Variants in MOK observed in about 807,000 individuals in gnomAD.
MOK encodes the protein MAPK/MAK/MRK overlapping kinase.
MOK carries 59 observed loss-of-function variants against 54.2 expected under a neutral mutation model. That is an observed-to-expected ratio of 1.09 (90% CI 0.88 to 1.35). MOK has a LOEUF of 1.35. Among genes scored for constraint, MOK ranks in the 40% most tolerant of loss-of-function variants. The pLI, the probability that MOK is intolerant of heterozygous loss-of-function variation, is 0.00. For synonymous variants in MOK, 210 were observed against 202.7 expected, an observed-to-expected ratio of 1.04 and a Z score of -0.31; for missense variants, 517 against 526.2, an observed-to-expected ratio of 0.98 and a Z score of 0.17.
chr14:102,299,246 G>T (rs1394736153), intron 1 of MOK, among the ~76,000 whole-genome samples: 1 of 152,200 alleles, frequency 6.6e-6, no homozygotes, highest in Non-Finnish European at 1.5e-5. Context: ...GGACGCAGTG[G>T]CTCACGCCTG....
At chr14:102,219,434 A>G in the MOK span, among the ~76,000 whole-genome samples, 2 of 152,194 alleles carry the variant, frequency 1.3e-5, no homozygotes, top group African/African-American at 4.8e-5. Context: ...CATGCCTGGC[A>G]CTGATGCCAA....
chr14:102,260,045 G>A (rs978065205), intron 4 of MOK, among the ~76,000 whole-genome samples: 38 of 152,062 alleles, frequency 2.5e-4, no homozygotes, highest in Non-Finnish European at 2.6e-4. Context: ...GGGTGGTGGC[G>A]CATGCCTGTA....
chr14:102,261,438 T>C (rs1395992482), intron 4 of MOK, among the ~76,000 whole-genome samples: 1 of 95,604 alleles, frequency 1.0e-5, no homozygotes, highest in Non-Finnish European at 2.0e-5. Flanking sequence ...TATATATATA[T>C]ATATATATAT....
At chr14:102,300,372 C>A (rs1597659404) in intron 1 of MOK, among the ~76,000 whole-genome samples, 1 of 133,768 alleles carries the variant, frequency 7.5e-6, no homozygotes, top group Non-Finnish European at 1.6e-5. Flanking sequence ...CACAGCAAAA[C>A]CCCATCTCCA....
chr14:102,215,763 G>A, the MOK span, among the ~76,000 whole-genome samples: 5 of 152,172 alleles, frequency 3.3e-5, no homozygotes, highest in Non-Finnish European at 5.9e-5. Flanking sequence ...GCCCGTCGTC[G>A]GTGCAGAGCG....
intron 1 of MOK, among the ~76,000 whole-genome samples, chr14:102,302,849 AGG>A (rs1362048454): frequency 6.6e-6 from 1 of 151,524 alleles, no homozygotes; most frequent in Non-Finnish European, 1.5e-5. Flanking sequence ...TGATGCCTCT[AGG>A]TAGTGGGGTA....
intron 1 of MOK, among the ~76,000 whole-genome samples, chr14:102,300,522 C>G (rs2072069668): frequency 6.6e-6 from 1 of 152,086 alleles, no homozygotes; most frequent in Non-Finnish European, 1.5e-5. Context: ...GCACTCCAGC[C>G]TGGGCAACAG....
At chr14:102,265,195 C>T (rs1051469094) in intron 3 of MOK, among the ~76,000 whole-genome samples, 1 of 152,172 alleles carries the variant, frequency 6.6e-6, no homozygotes, top group Non-Finnish European at 1.5e-5. Context: ...CCTGAAATAA[C>T]ACAAACAGTG....
chr14:102,233,883 G>A (rs919457055), intron 7 of MOK, 94 bp from the exon 8 acceptor site: 49 of 887,126 alleles, frequency 5.5e-5, no homozygotes, highest in Non-Finnish European at 8.4e-5. Flanking sequence ...AGGGGAGATC[G>A]TGGGAAGCAT....
chr14:102,236,053 G>A lies in MOK; in HGVS notation c.591-2264C>T, dbSNP rs1323687306. ...TGGGCATGGGTGTATCCTAACCCTT[G>A]AGTGCCAAAGAGTCCTTGTCCAGTG... On this transcript the variant is annotated intron_variant, in intron 7 of 11. Coordinates refer to ENST00000361847, the MANE Select transcript of MOK (RefSeq NM_014226.3). This position sits in a 1 kb window ranked among gnomAD's most constrained non-coding sequence, Gnocchi z 4.5. Among the ~76,000 whole-genome samples the A allele has an allele frequency of 6.6e-6, 1 of 152,196 alleles. No homozygotes were observed. Among genetic ancestry groups the A allele is most frequent in the Admixed American group, 6.5e-5 (1 of 15,276 alleles).
chr14:102,239,442 T>TGAGACCCTTTCCTCTTAC (rs2065520997), intron 7 of MOK, among the ~76,000 whole-genome samples: 1 of 126,034 alleles, frequency 7.9e-6, no homozygotes, highest in Non-Finnish European at 2.0e-5. Context: ...CTTCTGATTC[T>TGAGACCCTTTCCTCTTAC]CAATTAGGAG....
At chr14:102,294,177 T>C (rs1265287416) in intron 1 of MOK, among the ~76,000 whole-genome samples, 2 of 151,136 alleles carry the variant, frequency 1.3e-5, no homozygotes, top group Admixed American at 6.6e-5. Context: ...CCGGGTGCGG[T>C]GGCTCATGCC....
chr14:102,227,788 C>G (rs1010889878), downstream of MOK, among the ~76,000 whole-genome samples: 2 of 152,312 alleles, frequency 1.3e-5, no homozygotes, highest in Middle Eastern at 3.4e-3. Flanking sequence ...CCGCGTGGCC[C>G]GCGGTCCATC....
chr14:102,216,311 CGT>C, the MOK span, among the ~76,000 whole-genome samples: 1 of 152,166 alleles, frequency 6.6e-6, no homozygotes, highest in East Asian at 1.9e-4. Context: ...CTGAACAGGG[CGT>C]TTTGGTTTGT....
At chr14:102,229,706 T>C (rs1415933672) in intron 10 of MOK, 49 bp from the exon 11 acceptor site, 7 of 1,504,690 alleles carry the variant, frequency 4.7e-6, no homozygotes, top group South Asian at 1.3e-5. Flanking sequence ...TTCTGCTTTA[T>C]GGAAATTAGG....
rs182695048 is a variant in MOK, at chr14:102,288,374, T to C, written c.8-4782A>G. ...GCCATGAAAAGGAATGAAGTACTGATACATGCTACAGCATGGATGAGCCTT... is the reference window on the plus strand; with the variant it reads ...GCCATGAAAAGGAATGAAGTACTGACACATGCTACAGCATGGATGAGCCTT... On this transcript the variant is annotated intron_variant, in intron 1 of 11. Transcript: ENST00000361847. Among the ~76,000 whole-genome samples, 361 of 152,328 alleles carry C rather than the reference T, an allele frequency of 2.4e-3. 4 individuals are homozygous for C. The highest frequency in any genetic ancestry group is 7.9e-3 in the African/African-American group (328 of 41,572).
At chr14:102,301,630 C>G (rs2072212907) in intron 1 of MOK, among the ~76,000 whole-genome samples, 1 of 152,116 alleles carries the variant, frequency 6.6e-6, no homozygotes, top group East Asian at 1.9e-4. Context: ...ATTTCCAGTT[C>G]TGGAATATTC....
intron 4 of MOK, among the ~76,000 whole-genome samples, chr14:102,255,467 T>C (rs753666604): frequency 5.3e-5 from 8 of 152,170 alleles, no homozygotes; most frequent in Non-Finnish European, 1.2e-4. Context: ...GTGCCCACCC[T>C]TCCTTGCCTC....
chr14:102,258,017 G>A (rs538765949), intron 4 of MOK, among the ~76,000 whole-genome samples: 13 of 151,154 alleles, frequency 8.6e-5, no homozygotes, highest in Non-Finnish European at 1.8e-4. Context: ...ACCACTTATA[G>A]CAATTTGACA....
Sources: allele counts gnomAD v4.1 joint callset (sites outside exome capture counted in the v4.1 genomes callset), GRCh38; gene constraint gnomAD v4.1.1; non-coding constraint Gnocchi (gnomAD v3.1); transcripts MANE v1.5; gene names NCBI Gene and HGNC (gene_info 2026-07-23, HGNC 2026-07-21).